The following TGM4 variants were observed in gnomAD, a reference collection of about 807,000 sequenced individuals.
TGM4 encodes the protein transglutaminase 4.
Under a neutral mutation model 76.3 loss-of-function variants are expected in TGM4, and 61 were observed. That is an observed-to-expected ratio of 0.80 (90% confidence interval 0.65 to 0.99). The LOEUF is 0.99. TGM4 is among the 50% of genes least tolerant of loss of function. The pLI is 0.00. For missense variants in TGM4, 794 were observed against 843.2 expected (o/e 0.94, Z 0.72); for synonymous variants, 337 against 329.8 (o/e 1.02, Z -0.24).
chr3:44,887,765 G>C lies in TGM4; in HGVS notation c.270G>C (p.Gln90His). Residue 90 changes from glutamine to histidine, a missense_variant, in exon 3 of 14, where the codon CAG (glutamine) becomes CAC (histidine). Gln to His is a conservative substitution (Grantham distance 24). Transcript: ENST00000296125. ...CGCCCTCAGACCACTACAACTGGCA[G>C]GCAACCCTTCAAAATGAGTCTGGCA... ...PRTPSDHYNW[Q>H]ATLQNESGKE... 1 of 1,614,232 alleles carries C rather than the reference G, an allele frequency of 6.2e-7. No homozygotes were observed. Among genetic ancestry groups the C allele is most frequent in the Non-Finnish European group, 8.5e-7 (1 of 1,180,042 alleles).
Position 44,914,502 on chromosome 3 carries a change from G to A in TGM4, c.*777G>A, listed in dbSNP as rs1237210336. The A allele has an allele frequency of 6.6e-6, 1 of 152,150 alleles. No individual in the cohort carries two copies. Among genetic ancestry groups the A allele is most frequent in the African/African-American group, 2.4e-5 (1 of 41,394 alleles). The allele number at this position is 152,150 out of a possible 1,614,324, so 9.4% of individuals were successfully genotyped here. ...TCCATCCACTATCCTGGCAACTCAA[G>A]GCTGCTTCTGTTAACTGAAGCCTGC... On this transcript the variant is annotated 3_prime_UTR_variant, in exon 14 of 14. Coordinates refer to ENST00000296125, the MANE Select transcript of TGM4 (RefSeq NM_003241.4).
chr3:44,891,824 A>C (rs915287309), intron 4 of TGM4, among the ~76,000 whole-genome samples: 1 of 151,696 alleles, frequency 6.6e-6, no homozygotes, highest in Admixed American at 6.6e-5. Flanking sequence ...AATACAAAAA[A>C]ATTAGCCGGG....
At chr3:44,902,341 A>G (rs1319579442) in intron 8 of TGM4, among the ~76,000 whole-genome samples, 1 of 152,212 alleles carries the variant, frequency 6.6e-6, no homozygotes, top group Non-Finnish European at 1.5e-5. Context: ...ATGGTGGCAC[A>G]TGCCTGTAAT....
chr3:44,875,186 T>G (rs1407190462), intron 1 of TGM4, among the ~76,000 whole-genome samples: 2 of 152,204 alleles, frequency 1.3e-5, no homozygotes, highest in East Asian at 3.8e-4. Context: ...CCCACAGATT[T>G]TATGCAGATT....
chr3:44,913,243 A>G (rs1444152162), intron 13 of TGM4, among the ~76,000 whole-genome samples: 1 of 152,228 alleles, frequency 6.6e-6, no homozygotes. Flanking sequence ...CATAAAATAC[A>G]TGTTCCTCTT....
rs749556896 is a variant in TGM4 at position 44,874,640 on chromosome 3, T to G, written c.-39T>G. On this transcript the variant is annotated 5_prime_UTR_variant, in exon 1 of 14. Coordinates refer to ENST00000296125, the MANE Select transcript of TGM4 (RefSeq NM_003241.4). The stretch of plus-strand genomic sequence containing the variant: ...GTGTGGAAGCACCAGGCATCAGAGA[T>G]AGAGTCTTCCCTGGCATTGCAGGAG... 4.3e-6 allele frequency: 7 copies of G among 1,613,920 alleles called. No individual in the cohort carries two copies. The highest frequency in any genetic ancestry group is 1.7e-4 in the Middle Eastern group (1 of 6,058).
intron 3 of TGM4, chr3:44,888,580 G>T (rs1020500505): frequency 2.0e-5 from 3 of 152,114 alleles, no homozygotes; most frequent in African/African-American, 7.2e-5. Flanking sequence ...GTTTTTCAGG[G>T]TATCATGAAA....
In TGM4 at chr3:44,913,746, C is replaced by A. The variant is rs761492118; in HGVS notation, c.*21C>A. ...AGTAGCCTTGTCTGATGCTGTGGAG[C>A]CTTAGTTGAGATTTCAGCATTTCCT... On this transcript the variant is annotated 3_prime_UTR_variant, in exon 14 of 14. Coordinates refer to ENST00000296125, the MANE Select transcript of TGM4 (RefSeq NM_003241.4). The A allele has an allele frequency of 5.6e-6, 9 of 1,599,494 alleles. No individual in the cohort carries two copies. The Admixed American group carries it at 1.1e-4, about 19-fold the overall frequency.
chr3:44,878,686 T>C (rs1361610370), intron 1 of TGM4, among the ~76,000 whole-genome samples: 1 of 152,044 alleles, frequency 6.6e-6, no homozygotes, highest in Admixed American at 6.6e-5. Flanking sequence ...TTCACCATGT[T>C]GGCCAGGCTG....
At chr3:44,887,521 G>C (rs918087317) in intron 2 of TGM4, among the ~76,000 whole-genome samples, 168 bp from the exon 3 acceptor site, 1 of 152,142 alleles carries the variant, frequency 6.6e-6, no homozygotes, top group Non-Finnish European at 1.5e-5. Flanking sequence ...GACATGTGGG[G>C]CAGAAGGAGG....
intron 10 of TGM4, among the ~76,000 whole-genome samples, chr3:44,907,942 T>G (rs1699947833): frequency 6.6e-6 from 1 of 152,010 alleles, no homozygotes; most frequent in Non-Finnish European, 1.5e-5. Context: ...GAAGATGGGA[T>G]GTGATTAAGA....
intron 8 of TGM4, among the ~76,000 whole-genome samples, chr3:44,902,628 C>CA (rs554313645): frequency 8.1e-5 from 12 of 148,436 alleles, no homozygotes; most frequent in South Asian, 6.7e-4. Flanking sequence ...AAAAAACAAA[C>CA]AAAAAAAATG....
intron 1 of TGM4, among the ~76,000 whole-genome samples, chr3:44,875,244 G>T (rs1309715139): frequency 1.3e-5 from 2 of 152,182 alleles, no homozygotes; most frequent in African/African-American, 4.8e-5. Flanking sequence ...AAAATCCTGG[G>T]TTAGGCTTTG....
At chr3:44,877,457 T>A (rs115624260) in intron 1 of TGM4, among the ~76,000 whole-genome samples, 2,960 of 151,712 alleles carry the variant, frequency 0.02, 47 homozygotes, top group Middle Eastern at 0.065. Flanking sequence ...AATAAATAAA[T>A]AAAAATAAAA....
intron 9 of TGM4, among the ~76,000 whole-genome samples, chr3:44,905,401 G>A (rs1699909294): frequency 6.6e-6 from 1 of 152,098 alleles, no homozygotes; most frequent in Non-Finnish European, 1.5e-5. Flanking sequence ...GGACCAGCCG[G>A]CCCCTCCCTG....
In TGM4 at chr3:44,911,088, A is replaced by T. The variant is rs1275722101; in HGVS notation, c.1737A>T (p.Glu579Asp). 1 of 1,614,202 alleles carries T rather than the reference A, an allele frequency of 6.2e-7. No individual in the cohort carries two copies. The highest frequency in any genetic ancestry group is 8.5e-7 in the Non-Finnish European group (1 of 1,180,040). ...AGTCTAAGGAAATCATGGCCTCTGA[A>T]GTATTCACGTCTTTCCAGTACCCTG... ...IVESKEIMASEVFTSFQYPEF... is the reference protein window; with the variant it reads ...IVESKEIMASDVFTSFQYPEF... Residue 579 changes from glutamate to aspartate, a missense_variant, in exon 12 of 14, where the codon GAA becomes GAT. Transcript: ENST00000296125.
intron 8 of TGM4, 66 bp downstream of exon 8, chr3:44,901,997 A>G: frequency 6.4e-7 from 1 of 1,567,992 alleles, no homozygotes; most frequent in Non-Finnish European, 8.7e-7. Flanking sequence ...TTCTTTTTAG[A>G]AACAGGGTCT....
chr3:44,879,808 T>C (rs1429001974), intron 1 of TGM4, among the ~76,000 whole-genome samples: 2 of 151,838 alleles, frequency 1.3e-5, no homozygotes, highest in African/African-American at 2.4e-5. Flanking sequence ...TTTTATTTAT[T>C]ATTTTTTGAA....
chr3:44,908,924 T>C (rs1257277293), intron 10 of TGM4, among the ~76,000 whole-genome samples: 1 of 152,170 alleles, frequency 6.6e-6, no homozygotes, highest in African/African-American at 2.4e-5. Context: ...AATTGGACAT[T>C]TTAAAGAACA....
Sources: gnomAD v4.1 joint callset for allele counts (sites outside exome capture counted in the v4.1 genomes callset) on GRCh38, gnomAD v4.1.1 for gene constraint, MANE v1.5 for transcripts, NCBI Gene and HGNC (gene_info 2026-07-23, HGNC 2026-07-21) for gene names.